OPCML: variants seen among roughly 807,000 people sequenced by gnomAD.
OPCML encodes the protein opioid-binding protein/cell adhesion molecule.
A neutral mutation model predicts 37.8 loss-of-function variants in OPCML; 13 were observed. The observed-to-expected ratio is 0.34, with a 90% CI of 0.22 to 0.55. The LOEUF (loss-of-function observed/expected upper bound fraction) is 0.55, where lower values mean the gene tolerates loss of function less well. Among genes scored for constraint, OPCML ranks in the 20% least tolerant of loss-of-function variants. The pLI is 0.91. For missense variants in OPCML, 341 were observed against 435.6 expected, an observed-to-expected ratio of 0.78 and a Z score of 1.93; for synonymous variants, 176 against 168.8, an observed-to-expected ratio of 1.04 and a Z score of -0.33.
chr11:133,268,140 G>A (rs530336054), intron 1 of OPCML, among the ~76,000 whole-genome samples: 2 of 152,204 alleles, frequency 1.3e-5, no homozygotes, highest in East Asian at 3.9e-4. Context: ...AACCCCTCAA[G>A]GCCAGAGTGG....
intron 1 of OPCML, among the ~76,000 whole-genome samples, chr11:133,142,492 C>T (rs1290384546): frequency 6.6e-6 from 1 of 152,176 alleles, no homozygotes; most frequent in Non-Finnish European, 1.5e-5. Flanking sequence ...ATCTATTTTG[C>T]ACTTTTATCA....
At chr11:133,004,056 G>A in intron 1 of OPCML, 1 of 985,366 alleles carries the variant, frequency 1.0e-6, no homozygotes, top group South Asian at 4.7e-5. Flanking sequence ...TGGGAAGGAG[G>A]AAGCGAAGAG....
Position 132,658,849 on chromosome 11 carries a change from T to A in OPCML, c.147-1530A>T, listed in dbSNP as rs557583532. On this transcript the variant is annotated intron_variant, in intron 2 of 7. Coordinates refer to ENST00000524381, the MANE Select transcript of OPCML (RefSeq NM_001012393.5). ...GCAACTTGTTATATCTCAGTCTACA[T>A]CTTACTCCTTATACACATGCATGAA... 5.0e-4 allele frequency among the ~76,000 whole-genome samples: 76 copies of A among 152,336 alleles called. No individual in the cohort carries two copies. The South Asian group carries it at 0.016, about 32-fold the overall frequency.
chr11:133,284,248 G>C (rs1476833088), intron 1 of OPCML, among the ~76,000 whole-genome samples: 4 of 152,168 alleles, frequency 2.6e-5, no homozygotes, highest in African/African-American at 9.7e-5. Context: ...GGCTCATTAC[G>C]ACCCAGTGCC....
intron 3 of OPCML, among the ~76,000 whole-genome samples, chr11:132,549,670 G>C (rs975813508): frequency 2.0e-5 from 3 of 152,194 alleles, no homozygotes; most frequent in African/African-American, 7.2e-5. Flanking sequence ...GAGCTTGCAC[G>C]CGTGAATGCG....
At chr11:132,898,563 C>T (rs1591772297) in intron 2 of OPCML, among the ~76,000 whole-genome samples, 1 of 152,240 alleles carries the variant, frequency 6.6e-6, no homozygotes, top group African/African-American at 2.4e-5. Context: ...GCTAACGTTG[C>T]AGGACTGGGG....
rs537648754 is a variant in OPCML at position 132,481,150 on chromosome 11, C to T, written c.506-43791G>A. The stretch of plus-strand genomic sequence containing the variant: ...GACAAATTGGATAAAGAGTCAAGAC[C>T]CATCAGTGTGCTGTATTCAGGAAAC... On this transcript the variant is annotated intron_variant, in intron 4 of 7. Transcript: ENST00000524381. 5.3e-4 allele frequency among the ~76,000 whole-genome samples: 80 copies of T among 152,016 alleles called. 1 individual carries two copies. In the Middle Eastern group the frequency reaches 0.01, roughly 20 times the overall value.
intron 1 of OPCML, among the ~76,000 whole-genome samples, chr11:133,085,714 C>G (rs1043517234): frequency 1.3e-5 from 2 of 152,162 alleles, no homozygotes; most frequent in African/African-American, 4.8e-5. Context: ...GGTAAAAGTA[C>G]ATGTGCACCT....
At position 132,836,943 on chromosome 11, in the gene OPCML, C is replaced by T. The variant is rs1941037902; in HGVS notation, c.146+105983G>A. Among the ~76,000 whole-genome samples, 4 of 152,100 alleles carry T rather than the reference C, an allele frequency of 2.6e-5. No homozygotes were observed. In the South Asian group the frequency reaches 8.3e-4, roughly 32 times the overall value. On this transcript the variant is annotated intron_variant, in intron 2 of 7. Coordinates refer to ENST00000524381, the MANE Select transcript of OPCML (RefSeq NM_001012393.5). ...CCTACATATGTAAATGCCAAAGGAG[C>T]CACAAGAAAATCAAGTGAACGATCA...
At chr11:133,246,439 A>T (rs1289408167) in intron 1 of OPCML, among the ~76,000 whole-genome samples, 1 of 152,224 alleles carries the variant, frequency 6.6e-6, no homozygotes, top group Non-Finnish European at 1.5e-5. Context: ...GTTGATAATG[A>T]ATGAACTAAA....
chr11:133,125,673 AGTATAT>A (rs1367876858), intron 1 of OPCML, among the ~76,000 whole-genome samples: 1 of 122,398 alleles, frequency 8.2e-6, no homozygotes, highest in Non-Finnish European at 1.7e-5. Context: ...TATATAGTAT[AGTATAT>A]GTATATAGTA....
chr11:132,435,237 CAT>C, intron 7 of OPCML: 6 of 1,289,760 alleles, frequency 4.7e-6, no homozygotes, highest in Non-Finnish European at 5.1e-6. Flanking sequence ...AAACAAAAGA[CAT>C]AGATCACACA....
chr11:132,849,455 AT>A (rs1437045450), intron 2 of OPCML, among the ~76,000 whole-genome samples: 1 of 152,230 alleles, frequency 6.6e-6, no homozygotes, highest in East Asian at 1.9e-4. Context: ...AAGTGGCAGC[AT>A]CTTCTGGAAG....
intron 2 of OPCML, among the ~76,000 whole-genome samples, chr11:132,744,756 C>G (rs1387563701): frequency 6.6e-6 from 1 of 152,104 alleles, no homozygotes; most frequent in African/African-American, 2.4e-5. Context: ...TAATACAGTA[C>G]AAAGGGAGCA....
intron 2 of OPCML, among the ~76,000 whole-genome samples, chr11:132,810,552 G>A (rs1939281798): frequency 6.6e-6 from 1 of 152,144 alleles, no homozygotes; most frequent in African/African-American, 2.4e-5. Context: ...TTAGCTGGGT[G>A]TGGTGGCGAG....
In OPCML at chr11:133,174,572, CTCTA is replaced by C. The variant is rs1288971699; in HGVS notation, c.62-231566_62-231563del. Among the ~76,000 whole-genome samples, 1 of 147,418 alleles carries C rather than the reference CTCTA, an allele frequency of 6.8e-6. No homozygotes were observed. Among genetic ancestry groups the C allele is most frequent in the East Asian group, 2.0e-4 (1 of 4,966 alleles). On this transcript the variant is annotated intron_variant, in intron 1 of 7. Coordinates refer to ENST00000524381, the MANE Select transcript of OPCML (RefSeq NM_001012393.5). The surrounding 1 kb of genome is among the most constrained non-coding windows in gnomAD (Gnocchi z 4.6). ...CCAAAAATAGTCGAAAAGAGTTGTACTCTATCTATACAGTAAGTATATGCATTTA... is the reference window on the plus strand; with the variant it reads ...CCAAAAATAGTCGAAAAGAGTTGTACTCTATACAGTAAGTATATGCATTTA...
intron 1 of OPCML, among the ~76,000 whole-genome samples, chr11:133,441,708 AAAG>A (rs1946367664): frequency 6.6e-6 from 1 of 152,166 alleles, no homozygotes; most frequent in South Asian, 2.1e-4. Flanking sequence ...AGATTTGATG[AAAG>A]AAGAATTATA....
chr11:132,548,099 G>A (rs189724469), intron 3 of OPCML, among the ~76,000 whole-genome samples: 5 of 152,266 alleles, frequency 3.3e-5, no homozygotes, highest in Admixed American at 6.5e-5. Context: ...TAAATGGGCT[G>A]TGTGTGCCTG....
chr11:133,194,221 T>C (rs1938444057), intron 1 of OPCML, among the ~76,000 whole-genome samples: 1 of 148,680 alleles, frequency 6.7e-6, no homozygotes, highest in Admixed American at 6.7e-5. Context: ...TTTTTTTTTT[T>C]TTTTTGAGAT....
Sources: allele counts gnomAD v4.1 joint callset (sites outside exome capture counted in the v4.1 genomes callset), GRCh38; gene constraint gnomAD v4.1.1; non-coding constraint Gnocchi (gnomAD v3.1); transcripts MANE v1.5; gene names NCBI Gene and HGNC (gene_info 2026-07-23, HGNC 2026-07-21).